NRXN1: variants seen among roughly 807,000 people sequenced by gnomAD.
NRXN1 encodes neurexin-1.
NRXN1 carries 39 observed loss-of-function variants against 150.9 expected under a neutral mutation model. The ratio of observed to expected loss-of-function variants is 0.26; its 90% CI spans 0.20 to 0.34. The LOEUF is 0.34. Ranked by LOEUF, NRXN1 falls within the 10% of genes least tolerant of loss-of-function variation. The pLI, the probability that NRXN1 is intolerant of heterozygous loss-of-function variation, is 1.00. For synonymous variants in NRXN1, 924 were observed against 757.0 expected, an observed-to-expected ratio of 1.22 and a Z score of -3.62; for missense variants, 1,815 against 1,949.9, an observed-to-expected ratio of 0.93 and a Z score of 1.30.
intron 5 of NRXN1, chr2:50,917,578 G>A (rs921240044): frequency 6.6e-6 from 1 of 151,612 alleles, no homozygotes; most frequent in Non-Finnish European, 1.5e-5. Context: ...TTTGGGATTT[G>A]ATTAGGTCCT....
chr2:50,145,778 T>C (rs1234811148), intron 18 of NRXN1, among the ~76,000 whole-genome samples: 1 of 151,672 alleles, frequency 6.6e-6, no homozygotes, highest in Admixed American at 6.6e-5. Flanking sequence ...TAATATTTAA[T>C]GCCCAATATA....
intron 21 of NRXN1, among the ~76,000 whole-genome samples, chr2:50,040,869 C>CT (rs1322238383): frequency 6.6e-6 from 1 of 151,580 alleles, no homozygotes; most frequent in East Asian, 1.9e-4. Context: ...TTTCCTTTTG[C>CT]TTTTTTTAAA....
intron 18 of NRXN1, among the ~76,000 whole-genome samples, chr2:50,180,133 T>TCAGCCTCCTGAGTAGCTAA (rs2060608522): frequency 1.3e-5 from 2 of 152,120 alleles, no homozygotes; most frequent in South Asian, 4.2e-4. Flanking sequence ...GCAATCCTCC[T>TCAGCCTCCTGAGTAGCTAA]GCCTCAGCCT....
chr2:51,009,589 T>C (rs180799321), intron 2 of NRXN1, among the ~76,000 whole-genome samples: 2 of 152,086 alleles, frequency 1.3e-5, no homozygotes, highest in East Asian at 3.9e-4. Context: ...TAATTATTGA[T>C]AACATACATG....
chr2:50,118,655 G>T (rs893538695), intron 18 of NRXN1, among the ~76,000 whole-genome samples: 1 of 152,032 alleles, frequency 6.6e-6, no homozygotes, highest in African/African-American at 2.4e-5. Context: ...TCAAAAGCAG[G>T]CACTAAAAAT....
chr2:50,628,907 C>G (rs1214354455), intron 5 of NRXN1, among the ~76,000 whole-genome samples: 3 of 151,504 alleles, frequency 2.0e-5, no homozygotes, highest in African/African-American at 7.3e-5. Context: ...AAAAGGCTAT[C>G]TTCAAAGAAA....
At chr2:50,501,380 C>T (rs181399596) in intron 13 of NRXN1, among the ~76,000 whole-genome samples, 3 of 90,342 alleles carry the variant, frequency 3.3e-5, no homozygotes, top group Non-Finnish European at 7.3e-5. Context: ...AACCATGACT[C>T]GTGTATGTGT....
chr2:50,051,240 C>A (rs1692664673), intron 21 of NRXN1, among the ~76,000 whole-genome samples: 1 of 151,822 alleles, frequency 6.6e-6, no homozygotes, highest in Non-Finnish European at 1.5e-5. Context: ...CTGTTTTGTA[C>A]TTAAAAATAA....
At chr2:50,739,444 T>A (rs1699173092) in intron 5 of NRXN1, among the ~76,000 whole-genome samples, 1 of 152,150 alleles carries the variant, frequency 6.6e-6, no homozygotes, top group African/African-American at 2.4e-5. Flanking sequence ...ATGCATCAAT[T>A]TTTTACCTAA....
At chr2:50,776,317 T>G (rs1412383038) in intron 5 of NRXN1, among the ~76,000 whole-genome samples, 2 of 152,118 alleles carry the variant, frequency 1.3e-5, no homozygotes, top group Non-Finnish European at 2.9e-5. Context: ...GTAAGCTTAA[T>G]TGACATGTTA....
chr2:50,741,439 G>C (rs1016312270), intron 5 of NRXN1, among the ~76,000 whole-genome samples: 4 of 152,072 alleles, frequency 2.6e-5, no homozygotes, highest in African/African-American at 9.7e-5. Flanking sequence ...CCTAATACAA[G>C]AAAAGAATAA....
chr2:50,769,316 A>G (rs911725253), intron 5 of NRXN1, among the ~76,000 whole-genome samples: 3 of 152,100 alleles, frequency 2.0e-5, no homozygotes, highest in Non-Finnish European at 4.4e-5. Context: ...CAACTCAATC[A>G]CAGACATTCC....
At chr2:50,178,771 G>T (rs1348797088) in intron 18 of NRXN1, among the ~76,000 whole-genome samples, 1 of 152,030 alleles carries the variant, frequency 6.6e-6, no homozygotes, top group African/African-American at 2.4e-5. Flanking sequence ...ATTATTACAA[G>T]ATTTAAATAT....
At chr2:50,310,400 A>C (rs892220937) in intron 17 of NRXN1, among the ~76,000 whole-genome samples, 4 of 152,180 alleles carry the variant, frequency 2.6e-5, no homozygotes, top group African/African-American at 9.6e-5. Flanking sequence ...ATTCAGAACG[A>C]GGCTTTGAAA....
chr2:50,297,747 A>T (rs1915228), intron 17 of NRXN1, among the ~76,000 whole-genome samples: 12,839 of 152,238 alleles, frequency 0.084, 622 homozygotes, highest in Middle Eastern at 0.14. Context: ...TGTAATGACC[A>T]TACAGGTGAT....
intron 17 of NRXN1, among the ~76,000 whole-genome samples, chr2:50,395,739 G>A (rs2176855): frequency 6.6e-6 from 1 of 152,000 alleles, no homozygotes; most frequent in African/African-American, 2.4e-5. Flanking sequence ...GAGGTATAAG[G>A]TTCCCTATTT....
chr2:50,512,749 C>T (rs2092496908), intron 12 of NRXN1, among the ~76,000 whole-genome samples: 1 of 152,074 alleles, frequency 6.6e-6, no homozygotes, highest in Non-Finnish European at 1.5e-5. Flanking sequence ...CATTCCTTTC[C>T]CTATTTATAT....
At chr2:50,909,807 C>A (rs1428608827) in intron 5 of NRXN1, among the ~76,000 whole-genome samples, 1 of 151,992 alleles carries the variant, frequency 6.6e-6, no homozygotes, top group Non-Finnish European at 1.5e-5. Context: ...AAGTTAAAAG[C>A]AAGCTAAGCT....
At chr2:50,466,551 G>A (rs569695784) in intron 16 of NRXN1, 25 of 453,940 alleles carry the variant, frequency 5.5e-5, no homozygotes, top group African/African-American at 4.8e-4. Context: ...TACTGAAATG[G>A]GGCAAACACA....
Sources: allele counts gnomAD v4.1 joint callset (sites outside exome capture counted in the v4.1 genomes callset), GRCh38; gene constraint gnomAD v4.1.1; transcripts MANE v1.5; gene names NCBI Gene and HGNC (gene_info 2026-07-23, HGNC 2026-07-21).